CSMD1: variants seen among roughly 807,000 people sequenced by gnomAD.
The protein encoded by CSMD1 is CUB and Sushi multiple domains 1.
Under a neutral mutation model 417.5 loss-of-function variants are expected in CSMD1, and 213 were observed. The observed-to-expected ratio is 0.51, with a 90% CI of 0.46 to 0.57. The LOEUF is 0.57. Among genes scored for constraint, CSMD1 ranks in the 20% least tolerant of loss-of-function variants. The pLI is 0.00. For synonymous variants in CSMD1, 2,862 were observed against 1,736.8 expected, an observed-to-expected ratio of 1.65 and a Z score of -16.11; for missense variants, 6,923 against 4,529.7, an observed-to-expected ratio of 1.53 and a Z score of -15.17.
At position 3,288,143 on chromosome 8, in the gene CSMD1, G is replaced by C. The variant is rs556858771; in HGVS notation, c.3951-3797C>G. Among the ~76,000 whole-genome samples the C allele has an allele frequency of 1.3e-3, 188 of 147,446 alleles. 30 individuals carry two copies. The highest frequency in any genetic ancestry group is 5.0e-3 in the African/African-American group (186 of 37,224). Reference sequence around the variant, plus strand: ...TTTGTTGAACAAGCCATGCATCCCAGGGATGAAGCCCACTTGATCATTGTG... The same window carrying C: ...TTTGTTGAACAAGCCATGCATCCCACGGATGAAGCCCACTTGATCATTGTG... On this transcript the variant is annotated intron_variant, in intron 25 of 69. Coordinates refer to ENST00000635120, the MANE Select transcript of CSMD1 (RefSeq NM_033225.6).
intron 3 of CSMD1, among the ~76,000 whole-genome samples, chr8:4,068,813 A>G (rs1030173735): frequency 2.0e-5 from 3 of 152,240 alleles, no homozygotes; most frequent in Non-Finnish European, 4.4e-5. Flanking sequence ...ACATGAATTC[A>G]TGGTATCAGT....
At position 4,199,082 on chromosome 8, in the gene CSMD1, C is replaced by T. The variant is rs564686955; in HGVS notation, c.416-166983G>A. Among the ~76,000 whole-genome samples the T allele has an allele frequency of 2.6e-5, 4 of 152,230 alleles. No individual in the cohort carries two copies. In the South Asian group the frequency reaches 8.3e-4, roughly 32 times the overall value. Reference sequence around the variant, plus strand: ...TGGCAAAACCCCTGAGGTAGTAGAGCCAGCGCCCAGCTCACCCTGAGCTTC... The same window carrying T: ...TGGCAAAACCCCTGAGGTAGTAGAGTCAGCGCCCAGCTCACCCTGAGCTTC... On this transcript the variant is annotated intron_variant, in intron 3 of 69. Coordinates refer to ENST00000635120, the MANE Select transcript of CSMD1 (RefSeq NM_033225.6).
chr8:4,665,273 T>A (rs1034322551), intron 1 of CSMD1, among the ~76,000 whole-genome samples: 1 of 152,198 alleles, frequency 6.6e-6, no homozygotes, highest in Non-Finnish European at 1.5e-5. Context: ...TTTGGCTGGT[T>A]CTCTTTTCTC....
chr8:4,308,425 G>T lies in CSMD1; in HGVS notation c.415+111528C>A, dbSNP rs533113462. 9.9e-5 allele frequency among the ~76,000 whole-genome samples: 15 copies of T among 151,916 alleles called. No homozygotes were observed. In the South Asian group the frequency reaches 1.9e-3, roughly 19 times the overall value. On this transcript the variant is annotated intron_variant, in intron 3 of 69. Coordinates refer to ENST00000635120, the MANE Select transcript of CSMD1 (RefSeq NM_033225.6). ...CATGTGTGTGTGTGTTATGTGGAAA[G>T]TCTGATGATGGGAAAAAAGGTTTAG...
intron 3 of CSMD1, among the ~76,000 whole-genome samples, chr8:4,162,641 C>G (rs1055430625): frequency 6.6e-5 from 10 of 152,124 alleles, no homozygotes; most frequent in Non-Finnish European, 1.2e-4. Context: ...AGAAGGTACA[C>G]TGATATGTCA....
intron 1 of CSMD1, among the ~76,000 whole-genome samples, chr8:4,785,409 A>G (rs573804081): frequency 1.3e-5 from 2 of 152,238 alleles, no homozygotes; most frequent in Non-Finnish European, 2.9e-5. Flanking sequence ...TCTCTTAGGT[A>G]CCAAAATGCC....
intron 5 of CSMD1, among the ~76,000 whole-genome samples, chr8:3,905,393 C>T (rs1468421374): frequency 2.0e-5 from 3 of 152,134 alleles, no homozygotes; most frequent in Non-Finnish European, 4.4e-5. Context: ...ACTGTAAATA[C>T]TGGTAAGGCC....
chr8:3,259,265 TATGC>T (rs1800881449), intron 26 of CSMD1, among the ~76,000 whole-genome samples: 1 of 152,216 alleles, frequency 6.6e-6, no homozygotes, highest in African/African-American at 2.4e-5. Flanking sequence ...ATGGAAGACG[TATGC>T]ATTTATGAGT....
chr8:4,364,115 T>C (rs1801934086), intron 3 of CSMD1, among the ~76,000 whole-genome samples: 2 of 152,202 alleles, frequency 1.3e-5, no homozygotes, highest in African/African-American at 4.8e-5. Context: ...ATCATGTCTT[T>C]ATTATGCATT....
At position 3,961,068 on chromosome 8, in the gene CSMD1, T is replaced by G. The variant is rs528244782; in HGVS notation, c.818+36835A>C. 5.9e-5 allele frequency among the ~76,000 whole-genome samples: 9 copies of G among 152,198 alleles called. No individual in the cohort carries two copies. In the South Asian group the frequency reaches 1.7e-3, roughly 28 times the overall value. On this transcript the variant is annotated intron_variant, in intron 5 of 69. Transcript: ENST00000635120. The stretch of plus-strand genomic sequence containing the variant: ...AGATAATTCAGAAATCAAACAAAAT[T>G]GAACATGAACAAACTCAAAGGCTAC...
chr8:4,895,925 A>G (rs1476506962), intron 1 of CSMD1, among the ~76,000 whole-genome samples: 1 of 152,014 alleles, frequency 6.6e-6, no homozygotes, highest in African/African-American at 2.4e-5. Flanking sequence ...AATTGTTACC[A>G]ATTATTTTTT....
At chr8:3,709,038 C>T (rs1026684348) in intron 6 of CSMD1, among the ~76,000 whole-genome samples, 2 of 152,150 alleles carry the variant, frequency 1.3e-5, no homozygotes, top group African/African-American at 2.4e-5. Flanking sequence ...TCCCTCCAGA[C>T]GCTTTCCAGG....
chr8:4,807,751 T>C (rs961536339), intron 1 of CSMD1, among the ~76,000 whole-genome samples: 4 of 152,220 alleles, frequency 2.6e-5, no homozygotes, highest in Non-Finnish European at 4.4e-5. Context: ...TTAAGAATCA[T>C]ATCACAGTAT....
At chr8:3,602,520 G>A (rs933904396) in intron 8 of CSMD1, among the ~76,000 whole-genome samples, 3 of 152,142 alleles carry the variant, frequency 2.0e-5, no homozygotes, top group Non-Finnish European at 4.4e-5. Context: ...GCATATCACT[G>A]ATGATGATCT....
intron 1 of CSMD1, among the ~76,000 whole-genome samples, chr8:4,696,375 C>T (rs1242315413): frequency 6.6e-6 from 1 of 152,190 alleles, no homozygotes; most frequent in Non-Finnish European, 1.5e-5. Context: ...AGGCCTACCT[C>T]TATAGTATGA....
intron 65 of CSMD1, 30 bp downstream of exon 65, chr8:2,954,194 T>A: frequency 7.4e-7 from 1 of 1,351,322 alleles, no homozygotes; most frequent in Non-Finnish European, 1.0e-6. Flanking sequence ...TTTATTGGAT[T>A]GAAATCTAGA....
intron 5 of CSMD1, among the ~76,000 whole-genome samples, chr8:3,784,250 T>C (rs142161814): frequency 1.0e-3 from 154 of 152,312 alleles, no homozygotes; most frequent in African/African-American, 3.5e-3. Flanking sequence ...TAAATAAATG[T>C]CCAACACAGG....
chr8:4,605,339 A>G (rs1800809878), intron 2 of CSMD1, among the ~76,000 whole-genome samples: 1 of 152,220 alleles, frequency 6.6e-6, no homozygotes, highest in African/African-American at 2.4e-5. Flanking sequence ...ATGAACCCAA[A>G]ATGAATTATC....
intron 2 of CSMD1, among the ~76,000 whole-genome samples, chr8:4,468,730 G>C (rs1800341091): frequency 6.6e-6 from 1 of 152,188 alleles, no homozygotes; most frequent in South Asian, 2.1e-4. Context: ...TGCTTAGGGA[G>C]AGCCTACTCT....
Sources: allele counts gnomAD v4.1 joint callset (sites outside exome capture counted in the v4.1 genomes callset), GRCh38; gene constraint gnomAD v4.1.1; transcripts MANE v1.5; gene names NCBI Gene and HGNC (gene_info 2026-07-23, HGNC 2026-07-21).